The following CLOCK variants were observed in gnomAD, a reference collection of about 807,000 sequenced individuals.
CLOCK encodes circadian locomoter output cycles protein kaput.
Under a neutral mutation model 118.4 loss-of-function variants are expected in CLOCK, and 43 were observed. The ratio of observed to expected loss-of-function variants is 0.36; its 90% CI spans 0.28 to 0.47. The LOEUF (loss-of-function observed/expected upper bound fraction) is 0.47. CLOCK is among the 20% of genes least tolerant of loss of function. The pLI is 1.00. For synonymous variants in CLOCK, 326 were observed against 339.2 expected, an observed-to-expected ratio of 0.96 and a Z score of 0.43; for missense variants, 846 against 999.9, an observed-to-expected ratio of 0.85 and a Z score of 2.08.
At chr4:55,470,872 A>G in intron 7 of CLOCK, 66 bp from the exon 8 acceptor site, 1 of 1,141,612 alleles carries the variant, frequency 8.8e-7, no homozygotes, top group Non-Finnish European at 1.3e-6. Flanking sequence ...AGAAATAAAA[A>G]TTTGAGATAA....
intron 2 of CLOCK, among the ~76,000 whole-genome samples, chr4:55,507,005 G>T (rs1728845952): frequency 6.6e-6 from 1 of 152,056 alleles, no homozygotes; most frequent in Non-Finnish European, 1.5e-5. Flanking sequence ...CCAATGATTT[G>T]ATTGGTATCT....
intron 3 of CLOCK, chr4:55,486,523 T>G (rs1358687984): frequency 1.3e-5 from 2 of 152,182 alleles, no homozygotes; most frequent in African/African-American, 4.8e-5. Flanking sequence ...TTCTTTATTT[T>G]TGTTGAGTAA....
chr4:55,439,772 T>C (rs1054344971), intron 21 of CLOCK, among the ~76,000 whole-genome samples: 1 of 152,172 alleles, frequency 6.6e-6, no homozygotes, highest in Non-Finnish European at 1.5e-5. Flanking sequence ...ACAAATACTG[T>C]ATGATTCCAT....
At chr4:55,480,901 A>AG (rs986424379) in intron 4 of CLOCK, among the ~76,000 whole-genome samples, 18 of 144,406 alleles carry the variant, frequency 1.2e-4, no homozygotes, top group Non-Finnish European at 2.3e-4. Flanking sequence ...AAAAAAAAAA[A>AG]AGAGATGAGT....
intron 21 of CLOCK, 27 bp from the exon 22 acceptor site, chr4:55,438,564 T>TG (rs1383432155): frequency 4.3e-6 from 7 of 1,612,384 alleles, no homozygotes; most frequent in Non-Finnish European, 5.9e-6. Flanking sequence ...GGAAAAAAAT[T>TG]GGAGTCCAAA....
At chr4:55,491,836 T>C (rs1330425628) in intron 2 of CLOCK, among the ~76,000 whole-genome samples, 1 of 152,070 alleles carries the variant, frequency 6.6e-6, no homozygotes, top group Non-Finnish European at 1.5e-5. Context: ...GACAAATTAA[T>C]CAGTAAGTCA....
In CLOCK at chr4:55,517,062, T is replaced by C. The variant is rs768022155; in HGVS notation, c.-289-6997A>G. On this transcript the variant is annotated intron_variant, in intron 1 of 22. Coordinates refer to ENST00000513440, the MANE Select transcript of CLOCK (RefSeq NM_004898.4). ...TACGTGTATATATAAGCATACATAA[T>C]TGAATACACTGTTGATAACATTATT... 4.6e-5 allele frequency among the ~76,000 whole-genome samples: 7 copies of C among 152,338 alleles called. No homozygotes were observed. In the East Asian group the frequency reaches 5.8e-4, roughly 13 times the overall value.
Position 55,455,985 on chromosome 4 carries a change from C to T in CLOCK, c.894G>A (p.Gly298=). ...TTCCCAGAACTTCAAATGGCAAATA[C>T]CCTATTATGGGTGGTGCCCTAAATT... ...FLDHRAPPII[G]YLPFEVLGTS... The change falls in exon 13 of 23, where the codon GGG becomes GGA. Residue 298 remains glycine (G), a synonymous_variant. Coordinates refer to ENST00000513440, the MANE Select transcript of CLOCK (RefSeq NM_004898.4). The T allele has an allele frequency of 6.8e-6, 11 of 1,612,894 alleles. No individual in the cohort carries two copies. The highest frequency in any genetic ancestry group is 9.3e-6 in the Non-Finnish European group (11 of 1,179,310).
At chr4:55,532,542 T>TA (rs892546119) in intron 1 of CLOCK, among the ~76,000 whole-genome samples, 26 of 149,228 alleles carry the variant, frequency 1.7e-4, no homozygotes, top group South Asian at 8.4e-4. Context: ...AAGGAAAATT[T>TA]AAAAAAAAAA....
At chr4:55,528,364 T>C (rs1704937832) in intron 1 of CLOCK, among the ~76,000 whole-genome samples, 1 of 151,542 alleles carries the variant, frequency 6.6e-6, no homozygotes, top group Admixed American at 6.6e-5. Flanking sequence ...AAAAAATTAA[T>C]TAATTAAATA....
At chr4:55,441,797 A>G (rs190910378) in intron 21 of CLOCK, among the ~76,000 whole-genome samples, 1 of 152,290 alleles carries the variant, frequency 6.6e-6, no homozygotes. Flanking sequence ...TCAGTGCACT[A>G]AAATAAGTTA....
At chr4:55,473,200 G>A (rs1726266673) in intron 7 of CLOCK, among the ~76,000 whole-genome samples, 1 of 151,882 alleles carries the variant, frequency 6.6e-6, no homozygotes, top group African/African-American at 2.4e-5. Flanking sequence ...TCCAGCCTGG[G>A]CGACTAAGCA....
intron 8 of CLOCK, among the ~76,000 whole-genome samples, chr4:55,466,417 T>C (rs1307028858): frequency 6.6e-6 from 1 of 152,158 alleles, no homozygotes; most frequent in East Asian, 1.9e-4. Context: ...TTTATAGCAG[T>C]GTGACAACAG....
chr4:55,503,263 GAATA>G (rs1333688935), intron 2 of CLOCK, among the ~76,000 whole-genome samples: 3 of 152,192 alleles, frequency 2.0e-5, no homozygotes, highest in South Asian at 2.1e-4. Context: ...CATCACAGTA[GAATA>G]AATACTGACA....
At chr4:55,465,031 T>C (rs1725639835) in intron 8 of CLOCK, among the ~76,000 whole-genome samples, 1 of 152,200 alleles carries the variant, frequency 6.6e-6, no homozygotes, top group South Asian at 2.1e-4. Flanking sequence ...CTTAACACCA[T>C]AATCCACATT....
chr4:55,430,400 A>G lies in CLOCK; in HGVS notation c.*5015T>C, dbSNP rs1442823909. ...GTAGTGTTATGACATAGGGGGAAAA[A>G]ACTATGCAAAACAGTCACATGGAAA... On this transcript the variant is annotated 3_prime_UTR_variant, in exon 23 of 23. Transcript: ENST00000513440. 1 of 152,222 alleles carries G rather than the reference A, an allele frequency of 6.6e-6. No homozygotes were observed. The highest frequency in any genetic ancestry group is 1.9e-4 in the East Asian group (1 of 5,202). The allele number at this position is 152,222 out of a possible 1,614,324, so 9.4% of individuals were successfully genotyped here.
intron 1 of CLOCK, among the ~76,000 whole-genome samples, chr4:55,535,382 T>G (rs544414121): frequency 7.7e-4 from 117 of 152,076 alleles, no homozygotes; most frequent in Admixed American, 1.6e-3. Context: ...ATAAAACAGC[T>G]CATAAATATT....
Position 55,432,845 on chromosome 4 carries a change from TCCC to T in CLOCK, c.*2567_*2569del, listed in dbSNP as rs1577656902. ...ATCATAAAGGAAAATTTTAATTTTT[TCCC>T]CCGACTATTTGTGGAGATGGGAAAT... On this transcript the variant is annotated 3_prime_UTR_variant, in exon 23 of 23. Coordinates refer to ENST00000513440, the MANE Select transcript of CLOCK (RefSeq NM_004898.4). The T allele has an allele frequency of 2.0e-5, 3 of 152,544 alleles. No homozygotes were observed. The highest frequency in any genetic ancestry group is 3.9e-4 in the East Asian group (2 of 5,176). 9.4% of individuals were successfully genotyped at this position (152,544 alleles called of 1,614,324 possible). A position where few individuals can be genotyped will look rare whatever the true frequency, so the allele number is the denominator to read the frequency against.
intron 1 of CLOCK, among the ~76,000 whole-genome samples, chr4:55,514,081 A>G (rs1729329099): frequency 1.3e-5 from 2 of 152,090 alleles, no homozygotes; most frequent in Non-Finnish European, 2.9e-5. Context: ...CTTCTTTCCC[A>G]ATCAGTATAC....
Sources: gnomAD v4.1 joint callset for allele counts (sites outside exome capture counted in the v4.1 genomes callset) on GRCh38, gnomAD v4.1.1 for gene constraint, MANE v1.5 for transcripts, NCBI Gene and HGNC (gene_info 2026-07-23, HGNC 2026-07-21) for gene names.